ZBTB7C: variants seen among roughly 807,000 people sequenced by gnomAD.
ZBTB7C encodes the protein zinc finger and BTB domain-containing protein 7C.
Under a neutral mutation model 25.7 loss-of-function variants are expected in ZBTB7C, and 8 were observed. The observed-to-expected ratio is 0.31, with a 90% CI of 0.18 to 0.56. ZBTB7C has a LOEUF of 0.56. Among genes scored for constraint, ZBTB7C ranks in the 20% least tolerant of loss-of-function variants. The pLI, the probability that ZBTB7C is intolerant of heterozygous loss-of-function variation, is 0.91. For synonymous variants in ZBTB7C, 394 were observed against 369.0 expected (o/e 1.07, Z -0.78); for missense variants, 824 against 855.2 (o/e 0.96, Z 0.46).
In ZBTB7C at chr18:48,137,279, C is replaced by T. The variant is rs1598949922; in HGVS notation, c.-17+48655G>A. The T allele has an allele frequency of 9.1e-6, 9 of 985,352 alleles. No homozygotes were observed. The South Asian group carries it at 2.8e-4, about 31-fold the overall frequency. 61.0% of individuals were successfully genotyped at this position (985,352 alleles called of 1,614,324 possible). ...CAGGACAGGACGATCTCACCACTCG[C>T]GCGTTACGCTTCACTTTATGACACC... On this transcript the variant is annotated intron_variant, in intron 3 of 4. Transcript: ENST00000590800.
At chr18:48,065,039 T>C (rs2037272460) in intron 3 of ZBTB7C, among the ~76,000 whole-genome samples, 1 of 152,218 alleles carries the variant, frequency 6.6e-6, no homozygotes, top group Non-Finnish European at 1.5e-5. Context: ...GGAGAGGCCC[T>C]GTGGGGAGAG....
chr18:48,229,684 G>A (rs902159367), intron 2 of ZBTB7C, among the ~76,000 whole-genome samples: 8 of 152,176 alleles, frequency 5.3e-5, no homozygotes, highest in African/African-American at 1.9e-4. Flanking sequence ...TTTATTTCCA[G>A]GTTGGAACAA....
chr18:48,357,801 T>G (rs568708097), intron 1 of ZBTB7C, among the ~76,000 whole-genome samples: 1 of 152,326 alleles, frequency 6.6e-6, no homozygotes, highest in Non-Finnish European at 1.5e-5. Context: ...ATTCTTCTCC[T>G]CAATCCAGCT....
intron 3 of ZBTB7C, among the ~76,000 whole-genome samples, chr18:48,053,755 T>G (rs1568180210): frequency 6.6e-6 from 1 of 152,090 alleles, no homozygotes; most frequent in Non-Finnish European, 1.5e-5. Context: ...CTCCTGGTCT[T>G]AAGAAGCCAC....
intron 2 of ZBTB7C, among the ~76,000 whole-genome samples, chr18:48,318,211 A>C (rs2045996817): frequency 6.8e-6 from 1 of 147,048 alleles, no homozygotes; most frequent in Admixed American, 6.8e-5. Context: ...AAACAAAACA[A>C]AACAAAAAAA....
chr18:48,092,127 T>C (rs907217206), intron 3 of ZBTB7C, among the ~76,000 whole-genome samples: 1 of 152,242 alleles, frequency 6.6e-6, no homozygotes. Flanking sequence ...TGTTTCTCCA[T>C]AGTGGGTCGA....
At chr18:48,265,461 T>C (rs1274384436) in intron 2 of ZBTB7C, among the ~76,000 whole-genome samples, 1 of 152,216 alleles carries the variant, frequency 6.6e-6, no homozygotes, top group Non-Finnish European at 1.5e-5. Flanking sequence ...CTGGGCAAGT[T>C]ATTTATGCTC....
chr18:48,176,416 G>A (rs2041679054), intron 3 of ZBTB7C, among the ~76,000 whole-genome samples: 1 of 152,210 alleles, frequency 6.6e-6, no homozygotes, highest in African/African-American at 2.4e-5. Context: ...ATCTACTTGA[G>A]GGAGAAATGC....
intron 1 of ZBTB7C, among the ~76,000 whole-genome samples, chr18:48,371,800 G>A (rs1219556379): frequency 6.6e-6 from 1 of 152,182 alleles, no homozygotes; most frequent in Non-Finnish European, 1.5e-5. Flanking sequence ...TAGGAACACT[G>A]CAGAGATTTC....
chr18:48,348,064 T>C (rs1394122867), intron 1 of ZBTB7C, among the ~76,000 whole-genome samples: 2 of 152,132 alleles, frequency 1.3e-5, no homozygotes, highest in East Asian at 3.8e-4. Context: ...CCTTGCAAAA[T>C]AATAACTACC....
At chr18:48,178,524 T>C (rs1045919286) in intron 3 of ZBTB7C, among the ~76,000 whole-genome samples, 1 of 152,252 alleles carries the variant, frequency 6.6e-6, no homozygotes, top group African/African-American at 2.4e-5. Flanking sequence ...CTTTCTTTTT[T>C]TGGTTTAAAC....
intron 3 of ZBTB7C, among the ~76,000 whole-genome samples, chr18:48,103,964 G>A (rs1376485689): frequency 6.6e-6 from 1 of 152,168 alleles, no homozygotes; most frequent in African/African-American, 2.4e-5. Flanking sequence ...GGGAGTAACT[G>A]CTAATGGGTA....
At chr18:48,279,054 C>A (rs2044752795) in intron 2 of ZBTB7C, among the ~76,000 whole-genome samples, 1 of 151,930 alleles carries the variant, frequency 6.6e-6, no homozygotes, top group African/African-American at 2.4e-5. Context: ...GTATGCTGGG[C>A]ACACTGTCAC....
chr18:48,155,496 T>G (rs2040814929), intron 3 of ZBTB7C, among the ~76,000 whole-genome samples: 1 of 148,154 alleles, frequency 6.7e-6, no homozygotes, highest in Non-Finnish European at 1.5e-5. Flanking sequence ...CCCGGCTAAT[T>G]TTTTGTATTT....
At chr18:48,369,699 G>T (rs2145153942) in intron 1 of ZBTB7C, among the ~76,000 whole-genome samples, 2 of 152,216 alleles carry the variant, frequency 1.3e-5, no homozygotes, top group Middle Eastern at 6.8e-3. Flanking sequence ...AGAATATATA[G>T]CAATTGTAAA....
chr18:48,159,767 G>T (rs2040944245), intron 3 of ZBTB7C, among the ~76,000 whole-genome samples: 1 of 152,134 alleles, frequency 6.6e-6, no homozygotes, highest in Non-Finnish European at 1.5e-5. Flanking sequence ...CCAAAGTGCT[G>T]CCCCCATCCC....
intron 3 of ZBTB7C, among the ~76,000 whole-genome samples, chr18:48,182,354 T>A (rs2041950450): frequency 6.6e-6 from 1 of 152,080 alleles, no homozygotes; most frequent in South Asian, 2.1e-4. Context: ...GCCTCCACGA[T>A]TATAAAATAA....
Position 48,026,737 on chromosome 18 carries a change from G to GTTTTTTTT in ZBTB7C, c.*2515_*2522dup, listed in dbSNP as rs112670701. ...TTAAAGTATAAAATAAGGGTCAAAGGTTTTTTTTTTTTTCTTTGTTAAGGT... is the reference window on the plus strand; with the variant it reads ...TTAAAGTATAAAATAAGGGTCAAAGGTTTTTTTTTTTTTTTTTTTTTCTTTGTTAAGGT... On this transcript the variant is annotated 3_prime_UTR_variant, in exon 5 of 5. Transcript: ENST00000590800. 1 of 145,958 alleles carries GTTTTTTTT rather than the reference G, an allele frequency of 6.9e-6. No homozygotes were observed. The allele number at this position is 145,958 out of a possible 1,614,324, so 9.0% of individuals were successfully genotyped here.
At chr18:48,343,234 A>G (rs1180109253) in intron 1 of ZBTB7C, among the ~76,000 whole-genome samples, 3 of 152,112 alleles carry the variant, frequency 2.0e-5, no homozygotes, top group Non-Finnish European at 4.4e-5. Context: ...TAACTGCATC[A>G]TTTTACAGTA....
Sources: gnomAD v4.1 joint callset for allele counts (sites outside exome capture counted in the v4.1 genomes callset) on GRCh38, gnomAD v4.1.1 for gene constraint, MANE v1.5 for transcripts, NCBI Gene and HGNC (gene_info 2026-07-23, HGNC 2026-07-21) for gene names.